The following PLAC8 variants were observed in gnomAD, a reference collection of about 807,000 sequenced individuals.
PLAC8 encodes the protein placenta associated 8.
PLAC8 carries 6 observed loss-of-function variants against 12.6 expected under a neutral mutation model. The ratio of observed to expected loss-of-function variants is 0.48; its 90% confidence interval spans 0.26 to 0.94. The LOEUF is 0.94. Ranked by LOEUF, PLAC8 falls within the 40% of genes least tolerant of loss-of-function variation. The pLI is 0.14. For missense variants in PLAC8, 122 were observed against 152.7 expected (o/e 0.80, Z 1.06); for synonymous variants, 54 against 52.6 (o/e 1.03, Z -0.11).
At chr4:83,106,322 A>G (rs1732239752) in intron 2 of PLAC8, among the ~76,000 whole-genome samples, 1 of 151,946 alleles carries the variant, frequency 6.6e-6, no homozygotes, top group Middle Eastern at 3.2e-3. Flanking sequence ...TATCACATTC[A>G]AAGTTCAATT....
chr4:83,092,058 C>T (rs969014115), intron 4 of PLAC8, among the ~76,000 whole-genome samples: 1 of 152,040 alleles, frequency 6.6e-6, no homozygotes, highest in Non-Finnish European at 1.5e-5. Flanking sequence ...TGTTTAGCTC[C>T]CCATTTCGAT....
intron 3 of PLAC8, among the ~76,000 whole-genome samples, chr4:83,097,656 T>C (rs1731974588): frequency 6.6e-6 from 1 of 152,202 alleles, no homozygotes; most frequent in South Asian, 2.1e-4. Context: ...CCACCCCTAA[T>C]ACATAATTAA....
chr4:83,093,535 A>T (rs1384900852), intron 4 of PLAC8: 1 of 152,178 alleles, frequency 6.6e-6, no homozygotes, highest in Non-Finnish European at 1.5e-5. Context: ...GAACTATCAC[A>T]GTTTGAGTGC....
intron 1 of PLAC8, among the ~76,000 whole-genome samples, chr4:83,112,190 ATATATATATATATGTATATATATATATG>A (rs71668627): frequency 7.6e-5 from 4 of 52,810 alleles, no homozygotes; most frequent in African/African-American, 1.7e-4. Flanking sequence ...AAAAAAATTT[ATATATATATATATGTATATATATATATG>A]TATATATATA....
rs1245927755 is a variant in PLAC8, at chr4:83,108,389, T to TTGAGGTCAGGCTGG, written c.-29-440_-29-439insCCAGCCTGACCTCA. Among the ~76,000 whole-genome samples, 7 of 152,104 alleles carry TTGAGGTCAGGCTGG rather than the reference T, an allele frequency of 4.6e-5. No individual in the cohort carries two copies. In the South Asian group the frequency reaches 1.5e-3, roughly 32 times the overall value. On this transcript the variant is annotated intron_variant, in intron 1 of 4. Transcript: ENST00000311507. ...CGACGGATCATTTGAGGTCAGGAAT[T>TTGAGGTCAGGCTGG]CGAGACCAGCCTGGCCAGTATGGCG...
chr4:83,110,257 C>T lies in PLAC8; in HGVS notation c.-29-2307G>A, dbSNP rs542527309. Among the ~76,000 whole-genome samples, 4 of 150,810 alleles carry T rather than the reference C, an allele frequency of 2.7e-5. No homozygotes were observed. The South Asian group carries it at 8.5e-4, about 32-fold the overall frequency. The stretch of plus-strand genomic sequence containing the variant: ...AAACTATCACCCACCCCCTCCCCCG[C>T]CCGCTGATTTGAATGCTTATTAGAT... On this transcript the variant is annotated intron_variant, in intron 1 of 4. Coordinates refer to ENST00000311507, the MANE Select transcript of PLAC8 (RefSeq NM_016619.3).
At chr4:83,100,477 A>T (rs527760967) in intron 3 of PLAC8, among the ~76,000 whole-genome samples, 2 of 132,454 alleles carry the variant, frequency 1.5e-5, no homozygotes, top group South Asian at 4.9e-4. Context: ...TAAATTACCC[A>T]GTCTCAGGTA....
intron 4 of PLAC8, chr4:83,093,389 C>T (rs1422465313): frequency 6.6e-6 from 1 of 152,306 alleles, no homozygotes; most frequent in Non-Finnish European, 1.5e-5. Flanking sequence ...TCACACAGCT[C>T]TCTCCTTAAG....
chr4:83,104,327 G>GTATATATA (rs540113598), intron 3 of PLAC8, among the ~76,000 whole-genome samples: 1 of 151,234 alleles, frequency 6.6e-6, no homozygotes, highest in African/African-American at 2.4e-5. Context: ...AGGTTTGCCT[G>GTATATATA]TATATATATA....
Position 83,107,969 on chromosome 4 carries a change from G to T in PLAC8, c.-29-19C>A. ...CAGTGGACTGAAAAGGCAGAGTGGT[G>T]TTAGAAATCTCTGTTGTGGGGTGGG... On this transcript the variant is annotated intron_variant, in intron 1 of 4. Coordinates refer to ENST00000311507, the MANE Select transcript of PLAC8 (RefSeq NM_016619.3). 2.7e-6 allele frequency: 1 copy of T among 366,028 alleles called. No homozygotes were observed. Among genetic ancestry groups the T allele is most frequent in the Non-Finnish European group, 4.4e-6 (1 of 228,014 alleles). The allele number at this position is 366,028 out of a possible 1,614,324, so 22.7% of individuals were successfully genotyped here. A position where few individuals can be genotyped will look rare whatever the true frequency, so the allele number is the denominator to read the frequency against.
chr4:83,108,197 G>A (rs1054110297), intron 1 of PLAC8, among the ~76,000 whole-genome samples: 1 of 150,330 alleles, frequency 6.7e-6, no homozygotes, highest in African/African-American at 2.5e-5. Context: ...CACTTTAGGG[G>A]CAGGATGCTG....
chr4:83,111,486 TA>T (rs1578747197), intron 1 of PLAC8, among the ~76,000 whole-genome samples: 1 of 149,444 alleles, frequency 6.7e-6, no homozygotes, highest in East Asian at 2.0e-4. Flanking sequence ...AAAAAAAAAA[TA>T]AAAAAATAAA....
At chr4:83,107,224 A>AC (rs1553900374) in intron 2 of PLAC8, among the ~76,000 whole-genome samples, 8 of 65,062 alleles carry the variant, frequency 1.2e-4, no homozygotes, top group African/African-American at 3.3e-4. Flanking sequence ...AAAAAAAAAC[A>AC]AAAAAAAAAA....
intron 4 of PLAC8, chr4:83,092,793 C>G (rs1405042648): frequency 7.7e-6 from 1 of 130,696 alleles, no homozygotes; most frequent in South Asian, 2.6e-4. Flanking sequence ...CATTTCATTT[C>G]TTTTCTTTTT....
intron 4 of PLAC8, 125 bp downstream of exon 4, chr4:83,094,553 A>C: frequency 1.7e-6 from 1 of 605,544 alleles, no homozygotes. Context: ...ATATTATGAT[A>C]GCACTTCAGG....
chr4:83,107,834 T>C lies in PLAC8; in HGVS notation c.88A>G (p.Met30Val). Reference protein sequence around the residue: ...APQNSNWQTGMCDCFSDCGVC... With the variant: ...APQNSNWQTGVCDCFSDCGVC... ...CCGCAGTCGCTGAAACAGTCACACA[T>C]GCCTGTCTGCCAGTTGGAGTTCTGG... The change falls in exon 2 of 5, where the codon ATG becomes GTG. Residue 30 changes from methionine to valine, a missense_variant. Met to Val is a conservative substitution (Grantham distance 21, BLOSUM62 1). Coordinates refer to ENST00000311507, the MANE Select transcript of PLAC8 (RefSeq NM_016619.3). 2 of 1,607,584 alleles carry C rather than the reference T, an allele frequency of 1.2e-6. No individual in the cohort carries two copies. Among genetic ancestry groups the C allele is most frequent in the South Asian group, 1.1e-5 (1 of 90,834 alleles).
chr4:83,108,731 C>T (rs1373702307), intron 1 of PLAC8, among the ~76,000 whole-genome samples: 1 of 152,100 alleles, frequency 6.6e-6, no homozygotes, highest in African/African-American at 2.4e-5. Context: ...ACACAGGCTG[C>T]GAAACAAACG....
At chr4:83,101,713 G>C (rs1732106068) in intron 3 of PLAC8, among the ~76,000 whole-genome samples, 1 of 152,216 alleles carries the variant, frequency 6.6e-6, no homozygotes, top group African/African-American at 2.4e-5. Flanking sequence ...CTCTTGTTAG[G>C]AGATAATGCA....
rs557978502 is a variant in PLAC8, at chr4:83,105,897, G to A, written c.119-877C>T. 2.1e-3 allele frequency among the ~76,000 whole-genome samples: 325 copies of A among 152,252 alleles called. 2 individuals are homozygous for A. The highest frequency in any genetic ancestry group is 7.2e-3 in the African/African-American group (298 of 41,548). ...ACTGGTGCCCTGAGAAGCTTAAGTC[G>A]TCACCCCAGACAATGAGAGTGAAAA... On this transcript the variant is annotated intron_variant, in intron 2 of 4. Transcript: ENST00000311507.
Sources: gnomAD v4.1 joint callset for allele counts (sites outside exome capture counted in the v4.1 genomes callset) on GRCh38, gnomAD v4.1.1 for gene constraint, MANE v1.5 for transcripts, NCBI Gene and HGNC (gene_info 2026-07-23, HGNC 2026-07-21) for gene names.